EPHA3: variants seen among roughly 807,000 people sequenced by gnomAD.
EPHA3 encodes the protein EPH receptor A3.
Under a neutral mutation model 107.1 loss-of-function variants are expected in EPHA3, and 42 were observed. The observed-to-expected ratio is 0.39, with a 90% CI of 0.31 to 0.51. The LOEUF is 0.51. Among genes scored for constraint, EPHA3 ranks in the 20% least tolerant of loss-of-function variants. The pLI is 0.78. For synonymous variants in EPHA3, 461 were observed against 424.8 expected (o/e 1.09, Z -1.05); for missense variants, 1,183 against 1,211.2 (o/e 0.98, Z 0.35).
chr3:89,214,784 G>T (rs1256692779), intron 3 of EPHA3, among the ~76,000 whole-genome samples: 2 of 151,606 alleles, frequency 1.3e-5, no homozygotes, highest in Non-Finnish European at 2.9e-5. Context: ...TTTCCAAAGT[G>T]CCTTGAGTTT....
At chr3:89,366,765 G>T (rs1482069224) in intron 5 of EPHA3, among the ~76,000 whole-genome samples, 1 of 150,610 alleles carries the variant, frequency 6.6e-6, no homozygotes, top group Non-Finnish European at 1.5e-5. Flanking sequence ...CTCTCACTTA[G>T]TCCTCCTCAA....
At chr3:89,299,316 G>A (rs1410616205) in intron 3 of EPHA3, among the ~76,000 whole-genome samples, 1 of 152,080 alleles carries the variant, frequency 6.6e-6, no homozygotes, top group East Asian at 1.9e-4. Flanking sequence ...AGACAGAGCA[G>A]CATTACATTA....
intron 11 of EPHA3, among the ~76,000 whole-genome samples, chr3:89,423,636 C>T (rs985246365): frequency 1.1e-4 from 16 of 151,188 alleles, no homozygotes; most frequent in African/African-American, 3.9e-4. Flanking sequence ...GTCTAAGTAA[C>T]CACATCAACA....
intron 3 of EPHA3, among the ~76,000 whole-genome samples, chr3:89,335,552 A>G (rs1469419710): frequency 1.3e-5 from 2 of 152,222 alleles, no homozygotes; most frequent in African/African-American, 4.8e-5. Flanking sequence ...GAACAAATAC[A>G]ATTCGTAGCA....
At chr3:89,259,254 T>G (rs963493945) in intron 3 of EPHA3, among the ~76,000 whole-genome samples, 1 of 152,174 alleles carries the variant, frequency 6.6e-6, no homozygotes, top group Non-Finnish European at 1.5e-5. Flanking sequence ...TTGCTGCTGC[T>G]TGCAGGGACA....
At chr3:89,337,869 T>A (rs1707429874) in intron 3 of EPHA3, among the ~76,000 whole-genome samples, 1 of 152,252 alleles carries the variant, frequency 6.6e-6, no homozygotes, top group Non-Finnish European at 1.5e-5. Flanking sequence ...ATTGTCTTTC[T>A]GACATTATAA....
At chr3:89,242,768 T>A (rs541833287) in intron 3 of EPHA3, among the ~76,000 whole-genome samples, 194 of 145,422 alleles carry the variant, frequency 1.3e-3, no homozygotes, top group Non-Finnish European at 1.5e-3. Flanking sequence ...TATTTTTTTA[T>A]TATACTTTAA....
At chr3:89,123,614 A>G (rs867824358) in intron 1 of EPHA3, among the ~76,000 whole-genome samples, 10 of 152,180 alleles carry the variant, frequency 6.6e-5, no homozygotes, top group Non-Finnish European at 1.3e-4. Flanking sequence ...TTCTAGTCAT[A>G]CATCTCTATT....
At chr3:89,391,112 A>C (rs945358832) in intron 5 of EPHA3, among the ~76,000 whole-genome samples, 6 of 152,148 alleles carry the variant, frequency 3.9e-5, no homozygotes, top group Non-Finnish European at 7.3e-5. Flanking sequence ...ATCAGCTTTT[A>C]TAAAACACAT....
At chr3:89,431,717 A>G (rs1256729264) in intron 13 of EPHA3, among the ~76,000 whole-genome samples, 1 of 152,110 alleles carries the variant, frequency 6.6e-6, no homozygotes, top group Non-Finnish European at 1.5e-5. Flanking sequence ...ATCCCAGTAC[A>G]TATCATTTTA....
chr3:89,313,983 T>C (rs1706833905), intron 3 of EPHA3, among the ~76,000 whole-genome samples: 1 of 151,866 alleles, frequency 6.6e-6, no homozygotes, highest in African/African-American at 2.4e-5. Context: ...TAAGTTAATT[T>C]TAATATTAAT....
intron 13 of EPHA3, among the ~76,000 whole-genome samples, chr3:89,441,930 G>A (rs1394270064): frequency 6.6e-6 from 1 of 152,030 alleles, no homozygotes; most frequent in Non-Finnish European, 1.5e-5. Context: ...ACCAAATTGG[G>A]CCCTCAAGGA....
intron 3 of EPHA3, among the ~76,000 whole-genome samples, chr3:89,281,912 A>G (rs1314066334): frequency 6.6e-6 from 1 of 152,226 alleles, no homozygotes; most frequent in Non-Finnish European, 1.5e-5. Context: ...ATGGTAATAT[A>G]GTTCTTTCAA....
intron 2 of EPHA3, among the ~76,000 whole-genome samples, chr3:89,152,947 A>G (rs1348908897): frequency 6.6e-6 from 1 of 152,058 alleles, no homozygotes; most frequent in Non-Finnish European, 1.5e-5. Flanking sequence ...CTGTCTAATT[A>G]TTTTTTGTCT....
At chr3:89,329,285 C>G (rs1425356338) in intron 3 of EPHA3, among the ~76,000 whole-genome samples, 3 of 152,016 alleles carry the variant, frequency 2.0e-5, no homozygotes, top group Admixed American at 2.0e-4. Context: ...GCTCCGCCCC[C>G]ACCATCCTCT....
chr3:89,200,134 A>G (rs7646842), intron 2 of EPHA3, among the ~76,000 whole-genome samples: 89,823 of 152,034 alleles, frequency 0.59, 28,410 homozygotes, highest in Non-Finnish European at 0.7. Context: ...CATTATCAAT[A>G]TAGAGCCTGA....
chr3:89,274,651 A>G (rs969278017), intron 3 of EPHA3, among the ~76,000 whole-genome samples: 1 of 152,054 alleles, frequency 6.6e-6, no homozygotes, highest in African/African-American at 2.4e-5. Context: ...GTGAAAATCA[A>G]CACTCTTGAT....
intron 3 of EPHA3, among the ~76,000 whole-genome samples, chr3:89,321,401 G>A (rs1707041610): frequency 6.6e-6 from 1 of 152,064 alleles, no homozygotes; most frequent in South Asian, 2.1e-4. Flanking sequence ...AGGAAGCTGT[G>A]CCTATATACT....
chr3:89,111,508 T>TCCCCCCCCCCCCC (rs143096995), intron 1 of EPHA3, among the ~76,000 whole-genome samples: 1 of 128,938 alleles, frequency 7.8e-6, no homozygotes. Context: ...CACCCCTACA[T>TCCCCCCCCCCCCC]CCCCCCCCCA....
Sources: allele counts gnomAD v4.1 joint callset (sites outside exome capture counted in the v4.1 genomes callset), GRCh38; gene constraint gnomAD v4.1.1; transcripts MANE v1.5; gene names NCBI Gene and HGNC (gene_info 2026-07-23, HGNC 2026-07-21).